DLG2: variants seen among roughly 807,000 people sequenced by gnomAD.
DLG2 encodes discs large MAGUK scaffold protein 2, also known as disks large homolog 2.
In DLG2, 45 loss-of-function variants were observed where a neutral mutation model predicts 132.5. That is an observed-to-expected ratio of 0.34 (90% CI 0.27 to 0.44). The LOEUF (loss-of-function observed/expected upper bound fraction) is 0.44, where lower values mean the gene tolerates loss of function less well. Among genes scored for constraint, DLG2 ranks in the 20% least tolerant of loss-of-function variants. The probability of loss-of-function intolerance (pLI) is 1.00; values close to 1 mark genes in which losing one functional copy is unlikely to be tolerated. For synonymous variants in DLG2, 424 were observed against 419.6 expected (o/e 1.01, Z -0.13); for missense variants, 1,045 against 1,196.9 (o/e 0.87, Z 1.87).
At chr11:83,486,068 C>T (rs1406344606) in intron 21 of DLG2, 2 of 489,088 alleles carry the variant, frequency 4.1e-6, no homozygotes, top group Non-Finnish European at 3.6e-6. Context: ...CTGCTGACAG[C>T]ACCTATGTTC....
intron 6 of DLG2, among the ~76,000 whole-genome samples, chr11:84,897,065 A>G (rs1041445521): frequency 3.9e-5 from 6 of 151,916 alleles, no homozygotes; most frequent in African/African-American, 1.4e-4. Context: ...CTTGTGTACC[A>G]TAACTAATCA....
At chr11:85,007,745 C>G (rs908473746) in intron 6 of DLG2, among the ~76,000 whole-genome samples, 1 of 150,600 alleles carries the variant, frequency 6.6e-6, no homozygotes, top group African/African-American at 2.4e-5. Context: ...GGAGAAAACT[C>G]TCTGGTTTTC....
intron 7 of DLG2, among the ~76,000 whole-genome samples, chr11:84,349,802 C>A (rs1241114543): frequency 6.6e-6 from 1 of 151,766 alleles, no homozygotes; most frequent in Non-Finnish European, 1.5e-5. Context: ...GAGTTTAAGA[C>A]CAGCCTGGGC....
At chr11:85,253,461 C>T (rs1397438409) in intron 4 of DLG2, among the ~76,000 whole-genome samples, 1 of 152,134 alleles carries the variant, frequency 6.6e-6, no homozygotes, top group Non-Finnish European at 1.5e-5. Flanking sequence ...CTCCACCCCT[C>T]ACCAGAGGGA....
intron 8 of DLG2, among the ~76,000 whole-genome samples, chr11:84,248,803 G>T (rs1263293984): frequency 6.6e-6 from 1 of 152,200 alleles, no homozygotes; most frequent in African/African-American, 2.4e-5. Context: ...GGAGGCAGAG[G>T]TTGCAGTGAG....
Position 84,559,440 on chromosome 11 carries a change from T to C in DLG2, c.358-24709A>G, listed in dbSNP as rs11234078. Among the ~76,000 whole-genome samples the C allele has an allele frequency of 9.2e-5, 14 of 152,278 alleles. No individual in the cohort carries two copies. In the East Asian group the frequency reaches 2.5e-3, roughly 27 times the overall value. ...TAATAAAGTAATTCACTTAATGTAA[T>C]TAAATAAATCATTAGGTTTCACTGT... On this transcript the variant is annotated intron_variant, in intron 6 of 27. Coordinates refer to ENST00000376104, the MANE Select transcript of DLG2 (RefSeq NM_001142699.3).
intron 6 of DLG2, among the ~76,000 whole-genome samples, chr11:84,845,591 T>C (rs1262458194): frequency 4.6e-5 from 7 of 152,078 alleles, no homozygotes; most frequent in African/African-American, 1.7e-4. Flanking sequence ...TGTTTGTCTT[T>C]ATCTTATAGA....
intron 18 of DLG2, among the ~76,000 whole-genome samples, chr11:83,777,584 G>T (rs925942444): frequency 1.3e-5 from 2 of 152,044 alleles, no homozygotes; most frequent in East Asian, 3.9e-4. Context: ...AGGCCACAAT[G>T]GTTCTATAAA....
chr11:85,203,950 A>G (rs999360141), intron 4 of DLG2, among the ~76,000 whole-genome samples: 3 of 152,182 alleles, frequency 2.0e-5, no homozygotes, highest in African/African-American at 7.2e-5. Context: ...TATCATTTCA[A>G]TTGATGCTGG....
chr11:83,967,742 T>C (rs532197301), intron 12 of DLG2, among the ~76,000 whole-genome samples: 1 of 152,280 alleles, frequency 6.6e-6, no homozygotes, highest in African/African-American at 2.4e-5. Flanking sequence ...TCCTATTTAT[T>C]TTTCCTTTTG....
intron 7 of DLG2, among the ~76,000 whole-genome samples, chr11:84,269,720 C>A (rs2097695086): frequency 6.6e-6 from 1 of 152,164 alleles, no homozygotes; most frequent in South Asian, 2.1e-4. Flanking sequence ...ATTGCGACTT[C>A]TTTTTGACTG....
intron 3 of DLG2, among the ~76,000 whole-genome samples, chr11:85,487,688 G>T (rs1020863949): frequency 6.6e-6 from 1 of 152,070 alleles, no homozygotes; most frequent in Non-Finnish European, 1.5e-5. Context: ...TACATAAAAT[G>T]ACAAAATTTA....
chr11:85,147,913 C>T (rs1053340894), intron 5 of DLG2, among the ~76,000 whole-genome samples: 10 of 152,004 alleles, frequency 6.6e-5, no homozygotes, highest in Admixed American at 3.9e-4. Flanking sequence ...TGCCCCCCAC[C>T]CCCTGACTGG....
Position 84,883,822 on chromosome 11 carries a change from C to G in DLG2, c.357+227839G>C, listed in dbSNP as rs1397393548. Among the ~76,000 whole-genome samples the G allele has an allele frequency of 5.9e-5, 9 of 152,070 alleles. No individual in the cohort carries two copies. The South Asian group carries it at 1.4e-3, about 24-fold the overall frequency. ...GCATGTAAGAAGCAATAGGGTGATA[C>G]TAAAATGGTTTTGTCTAACCTGAAC... On this transcript the variant is annotated intron_variant, in intron 6 of 27. Transcript: ENST00000376104.
intron 16 of DLG2, among the ~76,000 whole-genome samples, chr11:83,837,905 G>C (rs1684489803): frequency 6.6e-6 from 1 of 152,060 alleles, no homozygotes; most frequent in Admixed American, 6.6e-5. Flanking sequence ...GTGGATTAGA[G>C]AGAAATGGGG....
chr11:83,953,778 G>A (rs2086099044), intron 14 of DLG2, among the ~76,000 whole-genome samples: 1 of 152,128 alleles, frequency 6.6e-6, no homozygotes, highest in Non-Finnish European at 1.5e-5. Context: ...CTCTTTCAGT[G>A]TCATACAGAT....
chr11:83,842,158 T>TG (rs1377681307), intron 16 of DLG2, among the ~76,000 whole-genome samples: 1 of 152,196 alleles, frequency 6.6e-6, no homozygotes, highest in Admixed American at 6.5e-5. Flanking sequence ...TGCTGCAAGC[T>TG]GTGACAGATC....
intron 9 of DLG2, among the ~76,000 whole-genome samples, chr11:84,102,486 T>A (rs2092613804): frequency 6.6e-6 from 1 of 152,158 alleles, no homozygotes; most frequent in African/African-American, 2.4e-5. Flanking sequence ...TTGCTCTGTG[T>A]CATTACAAGA....
At chr11:84,685,792 G>A (rs919061398) in intron 6 of DLG2, among the ~76,000 whole-genome samples, 3 of 151,874 alleles carry the variant, frequency 2.0e-5, no homozygotes, top group Non-Finnish European at 2.9e-5. Flanking sequence ...TGCAAGCTCC[G>A]CCCCCTGGGT....
Sources: allele counts gnomAD v4.1 joint callset (sites outside exome capture counted in the v4.1 genomes callset), GRCh38; gene constraint gnomAD v4.1.1; transcripts MANE v1.5; gene names NCBI Gene and HGNC (gene_info 2026-07-23, HGNC 2026-07-21).